ASTN1: variants seen among roughly 807,000 people sequenced by gnomAD.
ASTN1 encodes astrotactin-1.
In ASTN1, 41 loss-of-function variants were observed where a neutral mutation model predicts 140.7. The ratio of observed to expected loss-of-function variants is 0.29; its 90% CI spans 0.23 to 0.38. The LOEUF (loss-of-function observed/expected upper bound fraction) is 0.38. Ranked by LOEUF, ASTN1 falls within the 10% of genes least tolerant of loss-of-function variation. The probability of loss-of-function intolerance (pLI) is 1.00; values close to 1 mark genes in which losing one functional copy is unlikely to be tolerated. For missense variants in ASTN1, 1,479 were observed against 1,678.8 expected (o/e 0.88, Z 2.08); for synonymous variants, 640 against 652.2 (o/e 0.98, Z 0.29).
intron 1 of ASTN1, among the ~76,000 whole-genome samples, chr1:177,095,599 C>T (rs1485754061): frequency 6.6e-6 from 1 of 152,160 alleles, no homozygotes; most frequent in East Asian, 1.9e-4. Flanking sequence ...AGTGTGGGGA[C>T]ATCTCCCCTA....
intron 16 of ASTN1, among the ~76,000 whole-genome samples, chr1:176,907,287 T>C (rs1277060573): frequency 6.6e-6 from 1 of 152,226 alleles, no homozygotes; most frequent in Non-Finnish European, 1.5e-5. Flanking sequence ...GTCAGAACGC[T>C]TTTTATAAAT....
Position 176,946,123 on chromosome 1 carries a change from A to G in ASTN1, c.2055-3T>C. Reference sequence around the variant, plus strand: ...CAAGCTTGTAGTCCTCGATGCACCTAGCACAGAGGAGAGCTCAATATAAGA... The same window carrying G: ...CAAGCTTGTAGTCCTCGATGCACCTGGCACAGAGGAGAGCTCAATATAAGA... On this transcript the variant is annotated splice_region_variant and splice_polypyrimidine_tract_variant and intron_variant, in intron 12 of 22. Coordinates refer to ENST00000361833, the MANE Select transcript of ASTN1 (RefSeq NM_004319.3). 1 of 1,584,160 alleles carries G rather than the reference A, an allele frequency of 6.3e-7. No homozygotes were observed. Among genetic ancestry groups the G allele is most frequent in the Admixed American group, 1.7e-5 (1 of 58,292 alleles).
At chr1:177,015,478 G>C (rs1381169815) in intron 7 of ASTN1, among the ~76,000 whole-genome samples, 1 of 152,040 alleles carries the variant, frequency 6.6e-6, no homozygotes, top group Non-Finnish European at 1.5e-5. Context: ...ATGCACAGGA[G>C]GCCTCTTACA....
At chr1:177,014,934 G>A in intron 7 of ASTN1, 59 bp from the exon 8 acceptor site, 1 of 1,466,964 alleles carries the variant, frequency 6.8e-7, no homozygotes, top group Non-Finnish European at 9.5e-7. Context: ...TAACATGTCT[G>A]TGTTTGTAAA....
intron 1 of ASTN1, among the ~76,000 whole-genome samples, chr1:177,083,657 T>C (rs757348745): frequency 1.3e-5 from 2 of 152,110 alleles, no homozygotes; most frequent in Non-Finnish European, 2.9e-5. Flanking sequence ...AGGCAAGCAA[T>C]AGAAAAATCT....
chr1:177,024,577 G>C lies in ASTN1; in HGVS notation c.1270+6C>G, dbSNP rs1246519128. 3.0e-5 allele frequency: 48 copies of C among 1,613,402 alleles called. No homozygotes were observed. The highest frequency in any genetic ancestry group is 4.1e-5 in the Non-Finnish European group (48 of 1,179,464). ...CAAGGTCGCATCCTCAGAAGAACAG[G>C]CTCACCATCAGCAATCAGGTGCTCA... On this transcript the variant is annotated splice_donor_region_variant and intron_variant, in intron 6 of 22. Coordinates refer to ENST00000361833, the MANE Select transcript of ASTN1 (RefSeq NM_004319.3).
chr1:177,109,675 G>A (rs1036867538), intron 1 of ASTN1, among the ~76,000 whole-genome samples: 1 of 152,194 alleles, frequency 6.6e-6, no homozygotes, highest in Non-Finnish European at 1.5e-5. Context: ...GGAATCAAGA[G>A]ACCATGGAAT....
chr1:176,921,240 A>G (rs1235904503), intron 16 of ASTN1, among the ~76,000 whole-genome samples: 3 of 152,172 alleles, frequency 2.0e-5, no homozygotes, highest in African/African-American at 7.2e-5. Flanking sequence ...TTTAACTTAT[A>G]TCTTCTATTA....
chr1:177,088,989 TC>T (rs1679608966), intron 1 of ASTN1, among the ~76,000 whole-genome samples: 1 of 152,160 alleles, frequency 6.6e-6, no homozygotes, highest in Admixed American at 6.5e-5. Flanking sequence ...GAAAGTCATA[TC>T]CCTACTCGTA....
At chr1:176,908,212 C>A (rs1268840123) in intron 16 of ASTN1, among the ~76,000 whole-genome samples, 1 of 151,990 alleles carries the variant, frequency 6.6e-6, no homozygotes, top group Admixed American at 6.6e-5. Context: ...GACTAAGGAG[C>A]AACAGCAGCA....
At position 176,949,220 on chromosome 1, in the gene ASTN1, G is replaced by T; in HGVS notation, c.2019C>A (p.Asp673Glu). Residue 673 changes from aspartate to glutamate, a missense_variant, in exon 12 of 23, where the codon GAC becomes GAA. Coordinates refer to ENST00000361833, the MANE Select transcript of ASTN1 (RefSeq NM_004319.3). ...TGAGGATGTTATACAAGGTGGGGTC[G>T]TCCGGGAAGGGCGCCATCTGCTGGA... ...LCLQQMAPFP[D>E]DPTLYNILMF... 6.2e-7 allele frequency: 1 copy of T among 1,613,992 alleles called. No homozygotes were observed. Among genetic ancestry groups the T allele is most frequent in the Non-Finnish European group, 8.5e-7 (1 of 1,180,022 alleles).
chr1:177,008,625 G>C (rs1675124104), intron 8 of ASTN1, among the ~76,000 whole-genome samples: 2 of 151,094 alleles, frequency 1.3e-5, no homozygotes, highest in Admixed American at 1.3e-4. Context: ...AGGAAGAGAA[G>C]AAGAAGGAGG....
chr1:177,145,804 A>G (rs1682695206), intron 1 of ASTN1, among the ~76,000 whole-genome samples: 1 of 152,218 alleles, frequency 6.6e-6, no homozygotes. Context: ...ATATAAACCA[A>G]GTGCTGCTAC....
chr1:176,948,675 G>C (rs141207634), intron 12 of ASTN1, among the ~76,000 whole-genome samples: 33 of 152,302 alleles, frequency 2.2e-4, no homozygotes, highest in Non-Finnish European at 3.4e-4. Flanking sequence ...TCTTCACACG[G>C]AGGAATCACT....
intron 14 of ASTN1, among the ~76,000 whole-genome samples, chr1:176,937,130 A>G (rs1168390283): frequency 6.6e-6 from 1 of 152,302 alleles, no homozygotes; most frequent in African/African-American, 2.4e-5. Context: ...GCTTACTGTA[A>G]TACACCTGAT....
At chr1:176,956,094 T>C (rs1404857928) in intron 11 of ASTN1, among the ~76,000 whole-genome samples, 2 of 151,760 alleles carry the variant, frequency 1.3e-5, no homozygotes, top group Non-Finnish European at 2.9e-5. Context: ...AAAGGGAGGG[T>C]GGCACTGTGG....
chr1:177,048,463 G>A (rs1474339545), intron 2 of ASTN1, among the ~76,000 whole-genome samples: 1 of 152,134 alleles, frequency 6.6e-6, no homozygotes, highest in East Asian at 1.9e-4. Context: ...CTGGGAATGG[G>A]GCAACTGAAA....
At chr1:177,021,264 A>G (rs1296579347) in intron 7 of ASTN1, among the ~76,000 whole-genome samples, 3 of 152,132 alleles carry the variant, frequency 2.0e-5, no homozygotes, top group East Asian at 1.9e-4. Flanking sequence ...TGTCTTTCCA[A>G]TAGGAAATTC....
chr1:176,996,289 T>TCACACA (rs372443740), intron 8 of ASTN1, among the ~76,000 whole-genome samples: 62 of 129,412 alleles, frequency 4.8e-4, no homozygotes, highest in African/African-American at 1.4e-3. Context: ...TCTCTCTCTC[T>TCACACA]CACACACACA....
Sources: gnomAD v4.1 joint callset for allele counts (sites outside exome capture counted in the v4.1 genomes callset) on GRCh38, gnomAD v4.1.1 for gene constraint, MANE v1.5 for transcripts, NCBI Gene and HGNC (gene_info 2026-07-23, HGNC 2026-07-21) for gene names.